The following PPP1R9A variants were observed in gnomAD, a reference collection of about 807,000 sequenced individuals.
The protein encoded by PPP1R9A is neurabin-1.
PPP1R9A carries 59 observed loss-of-function variants against 141.9 expected under a neutral mutation model. The observed-to-expected ratio is 0.42, with a 90% CI of 0.34 to 0.52. PPP1R9A has a LOEUF of 0.52. Ranked by LOEUF, PPP1R9A falls within the 20% of genes least tolerant of loss-of-function variation. The pLI, the probability that PPP1R9A is intolerant of heterozygous loss-of-function variation, is 0.10. For synonymous variants in PPP1R9A, 500 were observed against 569.7 expected, an observed-to-expected ratio of 0.88 and a Z score of 1.74; for missense variants, 1,444 against 1,611.9, an observed-to-expected ratio of 0.90 and a Z score of 1.78.
At chr7:95,033,197 G>A (rs1329625172) in intron 2 of PPP1R9A, among the ~76,000 whole-genome samples, 1 of 88,634 alleles carries the variant, frequency 1.1e-5, no homozygotes. Context: ...TTTTTTTTTA[G>A]TAGAGACGGG....
chr7:95,060,967 T>C (rs1201537376), intron 2 of PPP1R9A, among the ~76,000 whole-genome samples: 3 of 152,184 alleles, frequency 2.0e-5, no homozygotes, highest in Non-Finnish European at 2.9e-5. Flanking sequence ...AGCACTAGTT[T>C]AAGGGGTAGA....
chr7:95,051,117 T>G (rs1364423372), intron 2 of PPP1R9A, among the ~76,000 whole-genome samples: 1 of 152,170 alleles, frequency 6.6e-6, no homozygotes, highest in African/African-American at 2.4e-5. Flanking sequence ...AGTCTGTGAT[T>G]CATTTTTAGT....
intron 4 of PPP1R9A, among the ~76,000 whole-genome samples, chr7:95,151,939 A>ATTTT (rs1563319181): frequency 8.6e-6 from 1 of 116,080 alleles, no homozygotes; most frequent in East Asian, 2.8e-4. Context: ...AGTACTGAGA[A>ATTTT]TCTTTTTTTT....
chr7:95,195,100 A>G (rs925982618), intron 5 of PPP1R9A, among the ~76,000 whole-genome samples: 3 of 152,150 alleles, frequency 2.0e-5, no homozygotes, highest in Admixed American at 6.6e-5. Context: ...TTCATTATCC[A>G]TTTAGAAATA....
chr7:95,019,343 A>C (rs772132657), intron 2 of PPP1R9A, among the ~76,000 whole-genome samples: 13 of 152,346 alleles, frequency 8.5e-5, no homozygotes, highest in Non-Finnish European at 1.5e-4. Context: ...AGATCGCAAC[A>C]CTGCACTCCA....
At chr7:95,183,468 TGAGA>T (rs1834164511) in intron 5 of PPP1R9A, among the ~76,000 whole-genome samples, 1 of 148,228 alleles carries the variant, frequency 6.7e-6, no homozygotes, top group Non-Finnish European at 1.5e-5. Context: ...TTTTTTTTTT[TGAGA>T]CAGAGTCTTG....
At chr7:95,159,351 C>A (rs1316107940) in intron 4 of PPP1R9A, among the ~76,000 whole-genome samples, 1 of 152,066 alleles carries the variant, frequency 6.6e-6, no homozygotes, top group East Asian at 1.9e-4. Context: ...TATGCCTATT[C>A]ATGCATATAT....
At chr7:95,030,952 G>T (rs1379791924) in intron 2 of PPP1R9A, among the ~76,000 whole-genome samples, 1 of 152,282 alleles carries the variant, frequency 6.6e-6, no homozygotes, top group African/African-American at 2.4e-5. Flanking sequence ...GAGTTGTGGG[G>T]AATATAGGGC....
chr7:95,020,979 G>A (rs2151720196), intron 2 of PPP1R9A, among the ~76,000 whole-genome samples: 1 of 152,164 alleles, frequency 6.6e-6, no homozygotes, highest in African/African-American at 2.4e-5. Context: ...TAATCCTTTG[G>A]GTATATACCC....
At chr7:95,208,806 T>C (rs1257701019) in intron 7 of PPP1R9A, among the ~76,000 whole-genome samples, 4 of 152,022 alleles carry the variant, frequency 2.6e-5, no homozygotes, top group African/African-American at 9.7e-5. Flanking sequence ...TAACTTCTGT[T>C]CATCGAAAGA....
chr7:95,251,622 C>A, intron 10 of PPP1R9A, 140 bp from the exon 11 acceptor site: 1 of 751,014 alleles, frequency 1.3e-6, no homozygotes, highest in Non-Finnish European at 2.0e-6. Flanking sequence ...CATTACTATA[C>A]TTTTTCCTCT....
At chr7:95,032,137 G>A (rs1807775873) in intron 2 of PPP1R9A, among the ~76,000 whole-genome samples, 3 of 152,088 alleles carry the variant, frequency 2.0e-5, no homozygotes, top group Admixed American at 2.0e-4. Context: ...CCTGGTTTTA[G>A]GTCTTATTTC....
At position 94,960,404 on chromosome 7, in the gene PPP1R9A, C is replaced by A. The variant is rs113391069; in HGVS notation, c.1395+48896C>A. ...AGGGAGGGAGGGGGAAATAAGAGTT[C>A]TCTTAAAAAGTACACTGATACTAAT... On this transcript the variant is annotated intron_variant, in intron 2 of 19. Transcript: ENST00000433360. Among the ~76,000 whole-genome samples the A allele has an allele frequency of 5.0e-3, 753 of 151,586 alleles. 6 individuals carry two copies. Among genetic ancestry groups the A allele is most frequent in the African/African-American group, 0.017 (709 of 41,434 alleles).
chr7:95,226,081 C>A lies in PPP1R9A; in HGVS notation c.2077C>A (p.Leu693Met). 1.2e-6 allele frequency: 2 copies of A among 1,613,514 alleles called. No individual in the cohort carries two copies. Among genetic ancestry groups the A allele is most frequent in the South Asian group, 1.1e-5 (1 of 91,038 alleles). The change falls in exon 8 of 20, where the codon CTG becomes ATG. Residue 693 changes from leucine to methionine, a missense_variant. By Grantham distance (15) the Leu-to-Met change is conservative. This residue lies in a region of PPP1R9A where 488 missense variants were observed against 542.0 expected (regional missense o/e 0.90). Transcript: ENST00000433360. Reference sequence around the variant, plus strand: ...TGAGGACATGTTTTCCCCATCAGAACTGGACACAAGCAAGCTCAGTCACAA... The same window carrying A: ...TGAGGACATGTTTTCCCCATCAGAAATGGACACAAGCAAGCTCAGTCACAA... ...ENEDMFSPSE[L>M]DTSKLSHKFK...
At position 94,911,275 on chromosome 7, in the gene PPP1R9A, A is replaced by C. The variant is rs533941663; in HGVS notation, c.1162A>C (p.Asn388His). 80 of 1,614,022 alleles carry C rather than the reference A, an allele frequency of 5.0e-5. No homozygotes were observed. The Admixed American group carries it at 1.3e-3, about 27-fold the overall frequency. The change falls in exon 2 of 20, where the codon AAT becomes CAT. Residue 388 changes from asparagine (N) to histidine (H), a missense_variant. Asn to His is a moderately conservative substitution (Grantham distance 68). Around this residue, in one of 5 missense-constraint regions of PPP1R9A, gnomAD observed 490 missense variants for 521.1 expected, o/e 0.94. Transcript: ENST00000433360. Reference sequence around the variant, plus strand: ...TGGAAAAGAAGTACCTGAAGATTCAAATAATTTTGATGGTTCCCATGTGTA... The same window carrying C: ...TGGAAAAGAAGTACCTGAAGATTCACATAATTTTGATGGTTCCCATGTGTA... ...SCGKEVPEDS[N>H]NFDGSHVYMH...
intron 2 of PPP1R9A, among the ~76,000 whole-genome samples, chr7:95,008,287 G>A (rs780290100): frequency 6.6e-6 from 1 of 151,958 alleles, no homozygotes; most frequent in Non-Finnish European, 1.5e-5. Context: ...TCATAAAAGG[G>A]GTTTTTAGGG....
chr7:95,116,546 A>G (rs1362404606), intron 3 of PPP1R9A, among the ~76,000 whole-genome samples: 1 of 152,192 alleles, frequency 6.6e-6, no homozygotes, highest in African/African-American at 2.4e-5. Flanking sequence ...AGATAAAATA[A>G]TAACATCTTT....
At chr7:95,141,077 A>T (rs1826587036) in intron 4 of PPP1R9A, among the ~76,000 whole-genome samples, 1 of 152,190 alleles carries the variant, frequency 6.6e-6, no homozygotes, top group Non-Finnish European at 1.5e-5. Context: ...GAACTTAACT[A>T]ACATTCCTAT....
At chr7:95,122,980 A>G (rs1289972601) in intron 4 of PPP1R9A, among the ~76,000 whole-genome samples, 4 of 152,134 alleles carry the variant, frequency 2.6e-5, no homozygotes, top group Non-Finnish European at 5.9e-5. Context: ...AAGCCAAACC[A>G]AAGTACAACT....
Sources: allele counts gnomAD v4.1 joint callset (sites outside exome capture counted in the v4.1 genomes callset), GRCh38; gene constraint gnomAD v4.1.1; regional missense constraint gnomAD v4.1.1; transcripts MANE v1.5; gene names NCBI Gene and HGNC (gene_info 2026-07-23, HGNC 2026-07-21).